The following DLG2 variants were observed in gnomAD, a reference collection of about 807,000 sequenced individuals.
DLG2 encodes discs large MAGUK scaffold protein 2.
Under a neutral mutation model 132.5 loss-of-function variants are expected in DLG2, and 45 were observed. That is an observed-to-expected ratio of 0.34 (90% CI 0.27 to 0.44). The LOEUF (loss-of-function observed/expected upper bound fraction) is 0.44. Ranked by LOEUF, DLG2 falls within the 20% of genes least tolerant of loss-of-function variation. The probability of loss-of-function intolerance (pLI) is 1.00; values close to 1 mark genes in which losing one functional copy is unlikely to be tolerated. For synonymous variants in DLG2, 424 were observed against 419.6 expected (o/e 1.01, Z -0.13); for missense variants, 1,045 against 1,196.9 (o/e 0.87, Z 1.87).
chr11:83,646,128 C>G (rs2068086557), intron 18 of DLG2, among the ~76,000 whole-genome samples: 1 of 152,074 alleles, frequency 6.6e-6, no homozygotes, highest in African/African-American at 2.4e-5. Context: ...CAGTGGAGAA[C>G]TATAGCAGAA....
At chr11:84,810,461 G>GT (rs1358902774) in intron 6 of DLG2, among the ~76,000 whole-genome samples, 1 of 152,078 alleles carries the variant, frequency 6.6e-6, no homozygotes, top group Admixed American at 6.6e-5. Context: ...ATACAAAATG[G>GT]TTAAAGTAAA....
At chr11:83,809,212 T>G (rs1483375896) in intron 17 of DLG2, among the ~76,000 whole-genome samples, 1 of 152,186 alleles carries the variant, frequency 6.6e-6, no homozygotes, top group African/African-American at 2.4e-5. Context: ...TAAAAATAAA[T>G]CTTTCTCATT....
chr11:84,009,303 C>T (rs1566020986), intron 11 of DLG2, among the ~76,000 whole-genome samples: 1 of 152,060 alleles, frequency 6.6e-6, no homozygotes, highest in East Asian at 1.9e-4. Context: ...ACAAACACCA[C>T]CTTCGATCGC....
chr11:85,041,268 G>C (rs2061838999), intron 6 of DLG2, among the ~76,000 whole-genome samples: 1 of 151,872 alleles, frequency 6.6e-6, no homozygotes, highest in African/African-American at 2.4e-5. Context: ...TTTGGGATGT[G>C]GCAACTGATT....
At chr11:83,728,672 C>T (rs906974352) in intron 18 of DLG2, among the ~76,000 whole-genome samples, 20 of 152,222 alleles carry the variant, frequency 1.3e-4, no homozygotes, top group Admixed American at 7.9e-4. Context: ...GCACAAATCC[C>T]GGACACATCT....
intron 4 of DLG2, among the ~76,000 whole-genome samples, chr11:85,237,644 T>A (rs1234138323): frequency 1.3e-5 from 2 of 151,990 alleles, no homozygotes; most frequent in Non-Finnish European, 2.9e-5. Flanking sequence ...CATGACCAGA[T>A]GGGAGGTCAG....
At chr11:85,249,904 G>A (rs544052176) in intron 4 of DLG2, among the ~76,000 whole-genome samples, 39 of 152,224 alleles carry the variant, frequency 2.6e-4, no homozygotes, top group African/African-American at 9.1e-4. Context: ...TAGACAGCAT[G>A]GAGAATTTAT....
chr11:84,922,933 T>C (rs978159555), intron 6 of DLG2: 14 of 974,214 alleles, frequency 1.4e-5, no homozygotes, highest in Non-Finnish European at 2.2e-5. Flanking sequence ...ACGGCAACAA[T>C]AAAACAAAGC....
chr11:83,564,143 T>C (rs1399792051), intron 19 of DLG2, among the ~76,000 whole-genome samples: 1 of 151,850 alleles, frequency 6.6e-6, no homozygotes, highest in Non-Finnish European at 1.5e-5. Context: ...TTGGTGGGAA[T>C]GTTTATGTTG....
chr11:83,823,646 G>GTCATTCAT (rs112028362), intron 17 of DLG2, among the ~76,000 whole-genome samples: 8,444 of 149,680 alleles, frequency 0.056, 846 homozygotes, highest in African/African-American at 0.2. Context: ...GCAAAGATGA[G>GTCATTCAT]TCATTCATTC....
rs60378440 is a variant in DLG2 at position 85,529,248 on chromosome 11, C to T, written c.40+69409G>A. On this transcript the variant is annotated intron_variant, in intron 3 of 27. Coordinates refer to ENST00000376104, the MANE Select transcript of DLG2 (RefSeq NM_001142699.3). ...CTGAGTGAGGTCCACGTAAAGAGCC[C>T]TACCATCACCACCTGTTCCCCGACA... 9.7e-3 allele frequency among the ~76,000 whole-genome samples: 1,481 copies of T among 152,230 alleles called. 21 individuals are homozygous for T. Among genetic ancestry groups the T allele is most frequent in the African/African-American group, 0.034 (1,398 of 41,532 alleles).
chr11:85,352,131 G>T (rs1369631739), intron 3 of DLG2, among the ~76,000 whole-genome samples: 1 of 152,140 alleles, frequency 6.6e-6, no homozygotes. Context: ...TCCTGGTTTA[G>T]TCTTGGGAGG....
intron 7 of DLG2, among the ~76,000 whole-genome samples, chr11:84,524,855 T>C (rs866725595): frequency 2.6e-5 from 4 of 151,984 alleles, no homozygotes; most frequent in South Asian, 2.1e-4. Context: ...TATTTCTTTT[T>C]TTTTTTTTTT....
At chr11:84,332,291 A>G (rs535812058) in intron 7 of DLG2, among the ~76,000 whole-genome samples, 1 of 150,006 alleles carries the variant, frequency 6.7e-6, no homozygotes, top group African/African-American at 2.5e-5. Context: ...GGCTCACTGC[A>G]AGCTCCGCCT....
chr11:83,709,742 G>C (rs1456569875), intron 18 of DLG2, among the ~76,000 whole-genome samples: 1 of 152,196 alleles, frequency 6.6e-6, no homozygotes, highest in East Asian at 1.9e-4. Flanking sequence ...TTCAGAAGCA[G>C]AACTTGATGT....
chr11:85,002,300 C>T (rs1271932816), intron 6 of DLG2, among the ~76,000 whole-genome samples: 1 of 151,956 alleles, frequency 6.6e-6, no homozygotes, highest in African/African-American at 2.4e-5. Flanking sequence ...CTTGGGATTG[C>T]CTTAAAAAGA....
At chr11:83,825,084 C>T (rs946270307) in intron 17 of DLG2, among the ~76,000 whole-genome samples, 1 of 145,948 alleles carries the variant, frequency 6.9e-6, no homozygotes, top group Non-Finnish European at 1.5e-5. Flanking sequence ...TATATATACA[C>T]ACATATATAT....
intron 7 of DLG2, among the ~76,000 whole-genome samples, chr11:84,391,355 T>C (rs1420427076): frequency 6.6e-6 from 1 of 152,144 alleles, no homozygotes; most frequent in Non-Finnish European, 1.5e-5. Flanking sequence ...AAAGGATACA[T>C]AAGAAACCAA....
At position 85,190,861 on chromosome 11, in the gene DLG2, TG is replaced by T. The variant is rs1346232898; in HGVS notation, c.187-36211del. ...TATTAAAAATTCAGAAAATGACAGA[TG>T]TTGGTGATGTTGTGAAGAAAAGGGA... On this transcript the variant is annotated intron_variant, in intron 4 of 27. Coordinates refer to ENST00000376104, the MANE Select transcript of DLG2 (RefSeq NM_001142699.3). 6.6e-5 allele frequency among the ~76,000 whole-genome samples: 10 copies of T among 152,290 alleles called. 1 individual carries two copies. In the East Asian group the frequency reaches 1.9e-3, roughly 29 times the overall value.
Sources: gnomAD v4.1 joint callset for allele counts (sites outside exome capture counted in the v4.1 genomes callset) on GRCh38, gnomAD v4.1.1 for gene constraint, MANE v1.5 for transcripts, NCBI Gene and HGNC (gene_info 2026-07-23, HGNC 2026-07-21) for gene names.